Variants in ABTB3 observed in about 807,000 individuals in gnomAD.
ABTB3 encodes ankyrin repeat and BTB domain containing 3.
the ABTB3 span, chr12:107,615,291 T>C: frequency 3.0e-6 from 2 of 675,278 alleles, no homozygotes; most frequent in South Asian, 3.8e-5. Context: ...CAATATAGTA[T>C]ATTCATATCA....
the ABTB3 span, among the ~76,000 whole-genome samples, chr12:107,513,885 G>C: frequency 2.6e-5 from 4 of 152,156 alleles, no homozygotes; most frequent in Non-Finnish European, 4.4e-5. Flanking sequence ...CATATTTTTT[G>C]TTCAAAATGA....
the ABTB3 span, among the ~76,000 whole-genome samples, chr12:107,519,885 A>C: frequency 6.6e-6 from 1 of 152,208 alleles, no homozygotes; most frequent in Non-Finnish European, 1.5e-5. Context: ...GAAAGGAAAG[A>C]AAGAGGATAA....
the ABTB3 span, chr12:107,642,130 A>G: frequency 3.7e-6 from 6 of 1,614,096 alleles, no homozygotes; most frequent in East Asian, 8.9e-5. Context: ...AAATGATGGC[A>G]CCTGCATAGA....
the ABTB3 span, among the ~76,000 whole-genome samples, chr12:107,472,931 A>G: frequency 0.047 from 7,185 of 152,198 alleles, 542 homozygotes; most frequent in African/African-American, 0.16. Flanking sequence ...CCTCAGCACC[A>G]TCATCAGAGA....
chr12:107,542,488 G>C, the ABTB3 span, among the ~76,000 whole-genome samples: 1 of 152,054 alleles, frequency 6.6e-6, no homozygotes, highest in Non-Finnish European at 1.5e-5. Context: ...TAAAAAGAAA[G>C]GCTCCATTTG....
At chr12:107,391,847 G>T in the ABTB3 span, among the ~76,000 whole-genome samples, 3 of 152,142 alleles carry the variant, frequency 2.0e-5, no homozygotes, top group Non-Finnish European at 4.4e-5. Context: ...ATGTGTATGC[G>T]TGTGTATGTG....
the ABTB3 span, chr12:107,650,968 T>C: frequency 2.6e-5 from 4 of 151,894 alleles, no homozygotes; most frequent in African/African-American, 9.7e-5. Context: ...TATAGAAGAG[T>C]TTTGAATACA....
the ABTB3 span, among the ~76,000 whole-genome samples, chr12:107,405,043 C>T: frequency 6.6e-6 from 1 of 152,176 alleles, no homozygotes; most frequent in African/African-American, 2.4e-5. Context: ...AGATCCAAGG[C>T]CCTGCTGTTT....
the ABTB3 span, among the ~76,000 whole-genome samples, chr12:107,338,358 C>G: frequency 6.6e-6 from 1 of 152,186 alleles, no homozygotes; most frequent in Non-Finnish European, 1.5e-5. Context: ...TTAATATTCA[C>G]AACAGCCCTA....
chr12:107,612,143 T>C, the ABTB3 span, among the ~76,000 whole-genome samples: 2 of 152,252 alleles, frequency 1.3e-5, no homozygotes, highest in Non-Finnish European at 2.9e-5. Context: ...ACCGACTTTG[T>C]GACACTGGTT....
chr12:107,387,972 CT>C, the ABTB3 span, among the ~76,000 whole-genome samples: 3,423 of 120,060 alleles, frequency 0.029, 30 homozygotes, highest in African/African-American at 0.039. Flanking sequence ...TCTTCTTCTT[CT>C]TTTTTTTTTT....
chr12:107,620,050 G>A, the ABTB3 span: 1 of 1,614,212 alleles, frequency 6.2e-7, no homozygotes. Flanking sequence ...AGCACCGCAG[G>A]CCTCTCATCC....
the ABTB3 span, among the ~76,000 whole-genome samples, chr12:107,648,092 C>T: frequency 6.6e-6 from 1 of 152,004 alleles, no homozygotes; most frequent in Non-Finnish European, 1.5e-5. Flanking sequence ...AGGTAGAAGA[C>T]AATAGGGGCC....
At chr12:107,516,706 C>G in the ABTB3 span, among the ~76,000 whole-genome samples, 2 of 152,186 alleles carry the variant, frequency 1.3e-5, no homozygotes, top group African/African-American at 4.8e-5. Context: ...GTGTGAAAGG[C>G]CCACCTTACA....
the ABTB3 span, among the ~76,000 whole-genome samples, chr12:107,554,927 A>G: frequency 1.3e-5 from 2 of 152,216 alleles, no homozygotes; most frequent in Non-Finnish European, 2.9e-5. Context: ...AGCCTGTCAT[A>G]GGTGCTTATA....
At chr12:107,472,144 C>T in the ABTB3 span, among the ~76,000 whole-genome samples, 1 of 152,162 alleles carries the variant, frequency 6.6e-6, no homozygotes, top group Non-Finnish European at 1.5e-5. Context: ...CAGAGCCTCT[C>T]CACCCATACC....
the ABTB3 span, chr12:107,649,173 G>T: frequency 6.3e-7 from 1 of 1,582,810 alleles, no homozygotes; most frequent in Non-Finnish European, 8.7e-7. Flanking sequence ...ATGCGTCTTT[G>T]CTGTTGACAC....
At chr12:107,635,859 CCCCCA>C in the ABTB3 span, among the ~76,000 whole-genome samples, 1 of 82,440 alleles carries the variant, frequency 1.2e-5, no homozygotes, top group African/African-American at 4.4e-5. Context: ...AACCCCCCCC[CCCCCA>C]CCCACCCACA....
the ABTB3 span, among the ~76,000 whole-genome samples, chr12:107,540,456 T>G: frequency 2.0e-5 from 3 of 152,132 alleles, no homozygotes; most frequent in South Asian, 2.1e-4. Context: ...GAAAATACTC[T>G]CACAGACACA....
Sources: gnomAD v4.1 joint callset for allele counts (sites outside exome capture counted in the v4.1 genomes callset) on GRCh38, gnomAD v4.1.1 for gene constraint, MANE v1.5 for transcripts, NCBI Gene and HGNC (gene_info 2026-07-23, HGNC 2026-07-21) for gene names.